The following WDR7 variants were observed in gnomAD, a reference collection of about 807,000 sequenced individuals.
WDR7 encodes the protein WD repeat domain 7, also known as WD repeat-containing protein 7.
A neutral mutation model predicts 169.4 loss-of-function variants in WDR7; 46 were observed. The observed-to-expected ratio is 0.27, with a 90% CI of 0.21 to 0.35. The LOEUF (loss-of-function observed/expected upper bound fraction) is 0.35, where lower values mean the gene tolerates loss of function less well. Ranked by LOEUF, WDR7 falls within the 10% of genes least tolerant of loss-of-function variation. WDR7 has a pLI of 1.00. For missense variants in WDR7, 1,534 were observed against 1,859.3 expected (o/e 0.83, Z 3.22); for synonymous variants, 612 against 666.8 (o/e 0.92, Z 1.27).
chr18:56,688,496 ATCACAAGG>A (rs373005805), intron 7 of WDR7, among the ~76,000 whole-genome samples: 3 of 151,782 alleles, frequency 2.0e-5, no homozygotes, highest in African/African-American at 7.3e-5. Context: ...AGGCAGGCAG[ATCACAAGG>A]TCAGGAGTTC....
At chr18:56,851,174 T>C (rs1483036496) in intron 20 of WDR7, among the ~76,000 whole-genome samples, 5 of 152,276 alleles carry the variant, frequency 3.3e-5, no homozygotes, top group African/African-American at 1.2e-4. Context: ...GCCTTTGTAG[T>C]AAAATTAAAA....
chr18:56,817,060 G>T (rs1250658210), intron 20 of WDR7, among the ~76,000 whole-genome samples: 1 of 151,898 alleles, frequency 6.6e-6, no homozygotes, highest in Non-Finnish European at 1.5e-5. Context: ...AAATTAAAGG[G>T]AGGGCTGGAC....
intron 21 of WDR7, among the ~76,000 whole-genome samples, chr18:56,881,180 C>T (rs1040258540): frequency 6.6e-6 from 1 of 152,102 alleles, no homozygotes. Flanking sequence ...CTTAGCTGCC[C>T]CTCCTATAAC....
chr18:56,794,311 T>TTTTTTTTTTTTTTTTTTC, intron 19 of WDR7, among the ~76,000 whole-genome samples: 1 of 97,862 alleles, frequency 1.0e-5, no homozygotes, highest in Admixed American at 1.1e-4. Flanking sequence ...TCTATTTTTT[T>TTTTTTTTTTTTTTTTTTC]TTTTTTTTTT....
intron 26 of WDR7, among the ~76,000 whole-genome samples, chr18:56,975,193 G>A (rs950749517): frequency 1.6e-4 from 25 of 151,810 alleles, no homozygotes; most frequent in Admixed American, 1.6e-3. Context: ...CTGAGATCAC[G>A]CCACTGCACT....
chr18:56,830,979 T>G (rs1457558142), intron 20 of WDR7, among the ~76,000 whole-genome samples: 3 of 152,194 alleles, frequency 2.0e-5, no homozygotes, highest in Non-Finnish European at 2.9e-5. Context: ...GATGTGGTAT[T>G]CACTCTGTGC....
intron 19 of WDR7, among the ~76,000 whole-genome samples, chr18:56,797,613 G>A (rs1293937492): frequency 6.6e-6 from 1 of 151,960 alleles, no homozygotes; most frequent in African/African-American, 2.4e-5. Context: ...AGTTCATTAA[G>A]ATATTCTGAT....
intron 20 of WDR7, among the ~76,000 whole-genome samples, chr18:56,879,339 T>C (rs2046072606): frequency 6.6e-6 from 1 of 152,196 alleles, no homozygotes; most frequent in African/African-American, 2.4e-5. Context: ...TGGTATCTCA[T>C]TGTGGTTTTG....
At chr18:56,661,917 T>C (rs651442) in intron 1 of WDR7, among the ~76,000 whole-genome samples, 139,739 of 152,240 alleles carry the variant, frequency 0.92, 65,299 homozygotes, top group East Asian at 1. Flanking sequence ...TTAATCATCA[T>C]GTCCTCATCA....
intron 13 of WDR7, among the ~76,000 whole-genome samples, chr18:56,718,927 G>T (rs2026254101): frequency 6.6e-6 from 1 of 151,966 alleles, no homozygotes; most frequent in Non-Finnish European, 1.5e-5. Flanking sequence ...ATACATATTT[G>T]TGCATGCACT....
At chr18:56,826,552 A>G (rs529952896) in intron 20 of WDR7, among the ~76,000 whole-genome samples, 1 of 152,340 alleles carries the variant, frequency 6.6e-6, no homozygotes, top group Admixed American at 6.5e-5. Flanking sequence ...ATTACAAATG[A>G]AAGGTAATAT....
At chr18:56,961,461 G>A (rs992459500) in intron 25 of WDR7, among the ~76,000 whole-genome samples, 1 of 151,950 alleles carries the variant, frequency 6.6e-6, no homozygotes, top group Non-Finnish European at 1.5e-5. Flanking sequence ...AAATATCTAG[G>A]GTAGGCCACT....
At chr18:56,885,836 A>C (rs577016551) in intron 21 of WDR7, among the ~76,000 whole-genome samples, 1 of 152,018 alleles carries the variant, frequency 6.6e-6, no homozygotes, top group East Asian at 1.9e-4. Flanking sequence ...CAAAAAAAAA[A>C]AAAAACAAAA....
chr18:56,922,309 A>G (rs1053785921), intron 21 of WDR7, among the ~76,000 whole-genome samples: 4 of 152,072 alleles, frequency 2.6e-5, no homozygotes, highest in Admixed American at 6.6e-5. Context: ...GTTATGTGAA[A>G]CACAGTTTCT....
chr18:56,827,656 C>A (rs903505017), intron 20 of WDR7, among the ~76,000 whole-genome samples: 9 of 151,848 alleles, frequency 5.9e-5, no homozygotes, highest in Admixed American at 5.2e-4. Context: ...AACAGGGTGA[C>A]CATAGTCAAA....
chr18:56,820,511 A>G (rs1031729861), intron 20 of WDR7, among the ~76,000 whole-genome samples: 5 of 151,842 alleles, frequency 3.3e-5, no homozygotes, highest in African/African-American at 9.7e-5. Flanking sequence ...CATTTTGATT[A>G]CTCATTCAGG....
At chr18:56,810,965 A>G (rs2044858568) in intron 19 of WDR7, among the ~76,000 whole-genome samples, 1 of 151,686 alleles carries the variant, frequency 6.6e-6, no homozygotes, top group Non-Finnish European at 1.5e-5. Context: ...CCTCAGCCCT[A>G]GGCCAATCTA....
chr18:56,744,345 C>T (rs17750123), intron 14 of WDR7, among the ~76,000 whole-genome samples: 2,107 of 151,332 alleles, frequency 0.014, 15 homozygotes, highest in Non-Finnish European at 0.022. Flanking sequence ...AGAGAGCATT[C>T]CTAAAGCCTT....
At chr18:56,676,384 G>C (rs973268366) in intron 2 of WDR7, among the ~76,000 whole-genome samples, 8 of 152,128 alleles carry the variant, frequency 5.3e-5, no homozygotes, top group Non-Finnish European at 7.3e-5. Context: ...TTATTGATAA[G>C]TCCTCGTTAT....
Sources: allele counts gnomAD v4.1 joint callset (sites outside exome capture counted in the v4.1 genomes callset), GRCh38; gene constraint gnomAD v4.1.1; transcripts MANE v1.5; gene names NCBI Gene and HGNC (gene_info 2026-07-23, HGNC 2026-07-21).